The following NPR3 variants were observed in gnomAD, a reference collection of about 807,000 sequenced individuals.
NPR3 encodes the protein atrial natriuretic peptide receptor 3.
In NPR3, 34 loss-of-function variants were observed where a neutral mutation model predicts 54.5. The ratio of observed to expected loss-of-function variants is 0.62; its 90% CI spans 0.47 to 0.83. The LOEUF (loss-of-function observed/expected upper bound fraction) is 0.83, where lower values mean the gene tolerates loss of function less well. Among genes scored for constraint, NPR3 ranks in the 40% least tolerant of loss-of-function variants. The probability of loss-of-function intolerance (pLI) is 0.00; values close to 1 mark genes in which losing one functional copy is unlikely to be tolerated. For synonymous variants in NPR3, 289 were observed against 297.1 expected, an observed-to-expected ratio of 0.97 and a Z score of 0.28; for missense variants, 674 against 720.8, an observed-to-expected ratio of 0.94 and a Z score of 0.74.
Position 32,749,317 on chromosome 5 carries a change from TA to T in NPR3, c.1059+10295del, listed in dbSNP as rs1008824926. Among the ~76,000 whole-genome samples the T allele has an allele frequency of 6.6e-5, 10 of 152,212 alleles. 1 individual carries two copies. The South Asian group carries it at 1.0e-3, about 16-fold the overall frequency. On this transcript the variant is annotated intron_variant, in intron 3 of 7. Coordinates refer to ENST00000265074, the MANE Select transcript of NPR3 (RefSeq NM_001204375.2). ...TAAATCAGAAGGAAAAAAGATTTTT[TA>T]AAAAAAATTTTCTTTTACTTTCTGC...
At chr5:32,732,464 C>CA (rs1739513679) in intron 2 of NPR3, among the ~76,000 whole-genome samples, 2 of 152,114 alleles carry the variant, frequency 1.3e-5, no homozygotes, top group Admixed American at 6.5e-5. Flanking sequence ...GCTCTAGTGA[C>CA]AGGGGATATC....
chr5:32,723,032 G>A (rs1447107018), intron 1 of NPR3, among the ~76,000 whole-genome samples: 1 of 152,154 alleles, frequency 6.6e-6, no homozygotes, highest in Non-Finnish European at 1.5e-5. Context: ...AACGTGCGCA[G>A]TAAACTAAAT....
At chr5:32,727,948 C>G (rs1309220756) in intron 2 of NPR3, among the ~76,000 whole-genome samples, 2 of 151,922 alleles carry the variant, frequency 1.3e-5, no homozygotes, top group Non-Finnish European at 2.9e-5. Context: ...CCTTTTATTC[C>G]TAGTTTATCA....
At chr5:32,696,432 G>A (rs1740534029) in intron 1 of NPR3, among the ~76,000 whole-genome samples, 1 of 151,158 alleles carries the variant, frequency 6.6e-6, no homozygotes, top group Non-Finnish European at 1.5e-5. Context: ...CAGGTAATGT[G>A]ATTCTTCCAG....
chr5:32,723,171 G>A (rs144146696), intron 1 of NPR3, among the ~76,000 whole-genome samples: 2 of 152,300 alleles, frequency 1.3e-5, no homozygotes, highest in Non-Finnish European at 2.9e-5. Flanking sequence ...GGCATGCATC[G>A]TGATAATGCG....
rs1466500644 is a variant in NPR3, at chr5:32,786,495, AG to A, written c.*152del. Reference sequence around the variant, plus strand: ...CATTTTAAAATTTCTGTAGAAGCTCAGGAATTATGATTAATCACCATCTGCC... The same window carrying A: ...CATTTTAAAATTTCTGTAGAAGCTCAGAATTATGATTAATCACCATCTGCC... On this transcript the variant is annotated 3_prime_UTR_variant, in exon 8 of 8. Coordinates refer to ENST00000265074, the MANE Select transcript of NPR3 (RefSeq NM_001204375.2). 1 of 635,176 alleles carries A rather than the reference AG, an allele frequency of 1.6e-6. No individual in the cohort carries two copies. Among genetic ancestry groups the A allele is most frequent in the Non-Finnish European group, 2.8e-6 (1 of 356,874 alleles). The allele number at this position is 635,176 out of a possible 1,614,324, so 39.3% of individuals were successfully genotyped here. A position where few individuals can be genotyped will look rare whatever the true frequency, so the allele number is the denominator to read the frequency against.
rs752168252 is a variant in NPR3 at position 32,735,418 on chromosome 5, C to CT, written c.893-3438dup. ...GCCTTTGTTCTCAAGGGCTCTATCTCTTTTTTTTATAATAAAAGTCAATGC... is the reference window on the plus strand; with the variant it reads ...GCCTTTGTTCTCAAGGGCTCTATCTCTTTTTTTTTATAATAAAAGTCAATGC... On this transcript the variant is annotated intron_variant, in intron 2 of 7. Coordinates refer to ENST00000265074, the MANE Select transcript of NPR3 (RefSeq NM_001204375.2). Among the ~76,000 whole-genome samples the CT allele has an allele frequency of 1.9e-4, 28 of 144,646 alleles. No individual in the cohort carries two copies. In the East Asian group the frequency reaches 2.2e-3, roughly 12 times the overall value. The allele number at this position is 144,646 out of a possible 152,430, so 94.9% of individuals were successfully genotyped here.
chr5:32,729,725 C>T (rs527427919), intron 2 of NPR3, among the ~76,000 whole-genome samples: 2 of 152,232 alleles, frequency 1.3e-5, no homozygotes, highest in East Asian at 3.9e-4. Flanking sequence ...AACATAGATT[C>T]TATCTAAGTA....
intron 1 of NPR3, among the ~76,000 whole-genome samples, chr5:32,702,634 G>A (rs2111819611): frequency 6.6e-6 from 1 of 152,044 alleles, no homozygotes; most frequent in East Asian, 1.9e-4. Context: ...GTGTATATGT[G>A]CCACATTTTC....
At position 32,770,798 on chromosome 5, in the gene NPR3, G is replaced by A. The variant is rs552919028; in HGVS notation, c.1060-3910G>A. Among the ~76,000 whole-genome samples, 7 of 152,336 alleles carry A rather than the reference G, an allele frequency of 4.6e-5. No homozygotes were observed. In the South Asian group the frequency reaches 1.4e-3, roughly 32 times the overall value. Reference sequence around the variant, plus strand: ...AGGAACTTAATTAAGACTTATGGCTGATGATAGTAAGGAAAGCTTCCTGGC... The same window carrying A: ...AGGAACTTAATTAAGACTTATGGCTAATGATAGTAAGGAAAGCTTCCTGGC... On this transcript the variant is annotated intron_variant, in intron 3 of 7. Coordinates refer to ENST00000265074, the MANE Select transcript of NPR3 (RefSeq NM_001204375.2).
At chr5:32,738,829 GC>G in intron 2 of NPR3, 34 bp from the exon 3 acceptor site, 1 of 1,596,566 alleles carries the variant, frequency 6.3e-7, no homozygotes, top group Non-Finnish European at 8.6e-7. Flanking sequence ...ATGGTGGCTG[GC>G]TTGGAATTAT....
intron 6 of NPR3, among the ~76,000 whole-genome samples, chr5:32,784,214 A>T (rs1742488557): frequency 6.6e-6 from 1 of 152,148 alleles, no homozygotes; most frequent in African/African-American, 2.4e-5. Flanking sequence ...ATTTTGAGAT[A>T]GTCTTGCTGT....
intron 3 of NPR3, among the ~76,000 whole-genome samples, chr5:32,742,751 T>C (rs1440753423): frequency 6.6e-6 from 1 of 152,176 alleles, no homozygotes; most frequent in Non-Finnish European, 1.5e-5. Flanking sequence ...GGCAGTTCCC[T>C]TTTCTCTCTT....
Position 32,728,837 on chromosome 5 carries a change from G to GTATATATA in NPR3, c.892+4049_892+4056dup, listed in dbSNP as rs70961659. ...TATTTGTGTGTGTGTGTGTGTGTGT[G>GTATATATA]TATATATATATATATATATATATAT... On this transcript the variant is annotated intron_variant, in intron 2 of 7. Coordinates refer to ENST00000265074, the MANE Select transcript of NPR3 (RefSeq NM_001204375.2). 5.0e-3 allele frequency among the ~76,000 whole-genome samples: 240 copies of GTATATATA among 47,918 alleles called. 3 individuals are homozygous for GTATATATA. Among genetic ancestry groups the GTATATATA allele is most frequent in the East Asian group, 0.014 (13 of 928 alleles). The allele number at this position is 47,918 out of a possible 152,430, so 31.4% of individuals were successfully genotyped here.
intron 2 of NPR3, among the ~76,000 whole-genome samples, chr5:32,729,673 A>G (rs1255253098): frequency 6.6e-6 from 1 of 152,210 alleles, no homozygotes; most frequent in Non-Finnish European, 1.5e-5. Flanking sequence ...TACTGTACTG[A>G]GTACTGTAGG....
chr5:32,778,044 G>A (rs1742153348), intron 4 of NPR3, among the ~76,000 whole-genome samples: 2 of 152,172 alleles, frequency 1.3e-5, no homozygotes, highest in Admixed American at 6.5e-5. Flanking sequence ...ATGCTGGAGG[G>A]CGCCACTGAG....
intron 4 of NPR3, among the ~76,000 whole-genome samples, chr5:32,780,170 C>T (rs913825874): frequency 6.6e-6 from 1 of 152,168 alleles, no homozygotes; most frequent in Non-Finnish European, 1.5e-5. Flanking sequence ...AAACAATTAG[C>T]GAAGAACTCA....
chr5:32,738,744 C>T, intron 2 of NPR3, 120 bp from the exon 3 acceptor site: 1 of 794,284 alleles, frequency 1.3e-6, no homozygotes, highest in South Asian at 1.7e-5. Flanking sequence ...AAAACTATGA[C>T]AATACTTCTC....
intron 1 of NPR3, chr5:32,716,434 T>C (rs1252102179): frequency 6.6e-6 from 3 of 455,752 alleles, no homozygotes; most frequent in Non-Finnish European, 1.3e-5. Context: ...CTCTTCTTGA[T>C]CATTCTACTG....
Sources: gnomAD v4.1 joint callset for allele counts (sites outside exome capture counted in the v4.1 genomes callset) on GRCh38, gnomAD v4.1.1 for gene constraint, MANE v1.5 for transcripts, NCBI Gene and HGNC (gene_info 2026-07-23, HGNC 2026-07-21) for gene names.